Variants in OSMR observed in about 807,000 individuals in gnomAD.
OSMR encodes oncostatin M receptor, also known as oncostatin-M-specific receptor subunit beta.
Under a neutral mutation model 99.9 loss-of-function variants are expected in OSMR, and 81 were observed. That is an observed-to-expected ratio of 0.81 (90% confidence interval 0.68 to 0.97). OSMR has a LOEUF of 0.97. Ranked by LOEUF, OSMR falls within the 50% of genes least tolerant of loss-of-function variation. The probability of loss-of-function intolerance (pLI) is 0.00; values close to 1 mark genes in which losing one functional copy is unlikely to be tolerated. For synonymous variants in OSMR, 406 were observed against 410.4 expected, an observed-to-expected ratio of 0.99 and a Z score of 0.13; for missense variants, 1,099 against 1,153.4, an observed-to-expected ratio of 0.95 and a Z score of 0.68.
chr5:38,945,385 C>T, downstream of OSMR: 2 of 737,636 alleles, frequency 2.7e-6, no homozygotes, highest in Non-Finnish European at 2.3e-6. Context: ...TGCAGCTCAC[C>T]AGCTGGGAAA....
chr5:38,922,057 C>T (rs1004124514), intron 12 of OSMR, among the ~76,000 whole-genome samples: 9 of 152,208 alleles, frequency 5.9e-5, no homozygotes, highest in African/African-American at 2.2e-4. Context: ...TGCATAGTCT[C>T]GAATGGCAGA....
chr5:38,927,579 C>T (rs113886008), intron 15 of OSMR, among the ~76,000 whole-genome samples: 25 of 152,278 alleles, frequency 1.6e-4, no homozygotes, highest in African/African-American at 3.6e-4. Flanking sequence ...TGTCCTGAGG[C>T]GGCACAGAGC....
intron 7 of OSMR, among the ~76,000 whole-genome samples, chr5:38,898,239 C>G (rs1484603749): frequency 6.6e-6 from 1 of 152,128 alleles, no homozygotes; most frequent in East Asian, 1.9e-4. Flanking sequence ...GTCCATCGTT[C>G]TCTGTAGCTC....
rs542177942 is a variant in OSMR at position 38,900,705 on chromosome 5, G to A, written c.992-3177G>A. 3.3e-4 allele frequency among the ~76,000 whole-genome samples: 50 copies of A among 152,326 alleles called. 1 individual carries two copies. The highest frequency in any genetic ancestry group is 1.2e-3 in the African/African-American group (48 of 41,564). On this transcript the variant is annotated intron_variant, in intron 7 of 17. Transcript: ENST00000274276. Reference sequence around the variant, plus strand: ...TTGACTACAAGGATCAATAACAAGGGCGGTGTCAGTGTAAGGCTGGATAAT... The same window carrying A: ...TTGACTACAAGGATCAATAACAAGGACGGTGTCAGTGTAAGGCTGGATAAT...
chr5:38,873,310 AC>A (rs1025025639), intron 2 of OSMR, among the ~76,000 whole-genome samples: 4 of 152,194 alleles, frequency 2.6e-5, no homozygotes, highest in African/African-American at 9.7e-5. Flanking sequence ...GTGTGTGTAT[AC>A]CACAGTTTGT....
chr5:38,903,713 G>A (rs1745039124), intron 7 of OSMR, 169 bp from the exon 8 acceptor site: 1 of 874,164 alleles, frequency 1.1e-6, no homozygotes, highest in African/African-American at 1.8e-5. Context: ...GAGAGAGAAA[G>A]GCTGTAGTTG....
At chr5:38,935,679 G>GTAA (rs1215886182), downstream of OSMR, 3 of 152,054 alleles carry the variant, frequency 2.0e-5, no homozygotes, top group African/African-American at 7.2e-5. Flanking sequence ...TGAAAATCTA[G>GTAA]TAATTACTCA....
intron 1 of OSMR, among the ~76,000 whole-genome samples, chr5:38,868,320 C>T (rs1742098864): frequency 6.6e-6 from 1 of 152,120 alleles, no homozygotes; most frequent in Non-Finnish European, 1.5e-5. Flanking sequence ...TGAGGTGGCC[C>T]TCTCTGTTTC....
chr5:38,914,712 C>T (rs1438193350), intron 9 of OSMR, among the ~76,000 whole-genome samples: 2 of 152,158 alleles, frequency 1.3e-5, no homozygotes, highest in Non-Finnish European at 2.9e-5. Context: ...GGCCATTATC[C>T]TAAGCGAATT....
intron 6 of OSMR, 136 bp downstream of exon 6, chr5:38,885,620 G>A: frequency 8.2e-7 from 1 of 1,218,610 alleles, no homozygotes; most frequent in East Asian, 2.3e-5. Flanking sequence ...AGGTCAAGAG[G>A]AAACCTTTAA....
chr5:38,942,848 A>C, intron 1 of OSMR: 1 of 1,608,990 alleles, frequency 6.2e-7, no homozygotes, highest in Non-Finnish European at 8.5e-7. Context: ...GAAACTGTAC[A>C]TCTTGAAATA....
chr5:38,916,403 C>A (rs1745899115), intron 9 of OSMR, among the ~76,000 whole-genome samples: 1 of 152,172 alleles, frequency 6.6e-6, no homozygotes, highest in Non-Finnish European at 1.5e-5. Context: ...TTACTTTCAC[C>A]TGGGTGATTT....
At chr5:38,888,231 C>T (rs994391287) in intron 7 of OSMR, among the ~76,000 whole-genome samples, 1 of 152,190 alleles carries the variant, frequency 6.6e-6, no homozygotes, top group African/African-American at 2.4e-5. Flanking sequence ...AAAACTGGCC[C>T]TCCCGCCCTA....
intron 2 of OSMR, among the ~76,000 whole-genome samples, chr5:38,871,525 G>A (rs1356917521): frequency 1.3e-5 from 2 of 152,182 alleles, no homozygotes; most frequent in Admixed American, 1.3e-4. Context: ...CACCCAGCCA[G>A]ATACAGATCT....
At chr5:38,854,932 G>A (rs1740722903) in intron 1 of OSMR, among the ~76,000 whole-genome samples, 1 of 152,242 alleles carries the variant, frequency 6.6e-6, no homozygotes, top group Non-Finnish European at 1.5e-5. Flanking sequence ...CTGGAAGTTG[G>A]AAGTAGCAGT....
chr5:38,916,499 T>G (rs1204292700), intron 9 of OSMR, among the ~76,000 whole-genome samples: 2 of 152,204 alleles, frequency 1.3e-5, no homozygotes, highest in African/African-American at 4.8e-5. Flanking sequence ...AGAATTGTTA[T>G]GAGGATTAAA....
chr5:38,884,634 G>T (rs970207388), intron 5 of OSMR, among the ~76,000 whole-genome samples: 1 of 152,238 alleles, frequency 6.6e-6, no homozygotes, highest in Admixed American at 6.5e-5. Flanking sequence ...CCTAGCCCCA[G>T]TAATAGCTGC....
chr5:38,902,283 G>T (rs1388618611), intron 7 of OSMR, among the ~76,000 whole-genome samples: 3 of 152,192 alleles, frequency 2.0e-5, no homozygotes, highest in African/African-American at 7.2e-5. Flanking sequence ...TAGCTGTGTT[G>T]GGGGAACATA....
intron 7 of OSMR, among the ~76,000 whole-genome samples, chr5:38,895,926 G>A (rs1317114849): frequency 6.6e-6 from 1 of 151,952 alleles, no homozygotes; most frequent in Non-Finnish European, 1.5e-5. Flanking sequence ...CCCAGTGTAT[G>A]TGTTTTGGCA....
Sources: gnomAD v4.1 joint callset for allele counts (sites outside exome capture counted in the v4.1 genomes callset) on GRCh38, gnomAD v4.1.1 for gene constraint, MANE v1.5 for transcripts, NCBI Gene and HGNC (gene_info 2026-07-23, HGNC 2026-07-21) for gene names.